The following AXIN1 variants were observed in gnomAD, a reference collection of about 807,000 sequenced individuals.
The protein encoded by AXIN1 is axin 1.
Under a neutral mutation model 76.4 loss-of-function variants are expected in AXIN1, and 30 were observed. That is an observed-to-expected ratio of 0.39 (90% CI 0.29 to 0.53). AXIN1 has a LOEUF of 0.53. AXIN1 is among the 20% of genes least tolerant of loss of function. The probability of loss-of-function intolerance (pLI) is 0.66; values close to 1 mark genes in which losing one functional copy is unlikely to be tolerated. For synonymous variants in AXIN1, 545 were observed against 501.4 expected, an observed-to-expected ratio of 1.09 and a Z score of -1.16; for missense variants, 1,140 against 1,198.8, an observed-to-expected ratio of 0.95 and a Z score of 0.72.
intron 1 of AXIN1, 92 bp downstream of exon 1, chr16:352,277 G>T: frequency 1.3e-6 from 1 of 799,052 alleles, no homozygotes; most frequent in South Asian, 5.6e-5. Flanking sequence ...TCGGTCCCAC[G>T]CGCGTCAGCC....
intron 10 of AXIN1, among the ~76,000 whole-genome samples, chr16:289,228 A>G (rs557355837): frequency 6.6e-6 from 1 of 151,940 alleles, no homozygotes; most frequent in East Asian, 1.9e-4. Context: ...ACACCTGGCT[A>G]ATTTCTTTAG....
intron 2 of AXIN1, among the ~76,000 whole-genome samples, chr16:339,241 C>T (rs2053866143): frequency 6.8e-6 from 1 of 147,012 alleles, no homozygotes; most frequent in Non-Finnish European, 1.5e-5. Flanking sequence ...TGGTGGCTCA[C>T]ACCTGTAATC....
chr16:313,405 C>T (rs972175663), intron 3 of AXIN1, among the ~76,000 whole-genome samples: 3 of 152,256 alleles, frequency 2.0e-5, no homozygotes, highest in Non-Finnish European at 4.4e-5. Context: ...TCCCTCTCTC[C>T]TCCTCCAGCC....
rs916803709 is a variant in AXIN1, at chr16:294,977, T to C, written c.1956-1259A>G. Among the ~76,000 whole-genome samples, 4 of 138,160 alleles carry C rather than the reference T, an allele frequency of 2.9e-5. No homozygotes were observed. The East Asian group carries it at 8.9e-4, about 31-fold the overall frequency. 90.6% of individuals were successfully genotyped at this position (138,160 alleles called of 152,430 possible). A position where few individuals can be genotyped will look rare whatever the true frequency, so the allele number is the denominator to read the frequency against. On this transcript the variant is annotated intron_variant, in intron 7 of 10. Transcript: ENST00000262320. ...TGCTCTTGAGGCTGAGGCAGGAGAA[T>C]GGCATGAACCCGGGAGGCGAGGCTT... is the stretch of plus-strand genomic sequence containing the variant.
At chr16:320,652 T>C (rs1460141259) in intron 2 of AXIN1, among the ~76,000 whole-genome samples, 1 of 149,376 alleles carries the variant, frequency 6.7e-6, no homozygotes, top group African/African-American at 2.5e-5. Flanking sequence ...TAAAAACAAA[T>C]ATATATGTAT....
intron 2 of AXIN1, among the ~76,000 whole-genome samples, chr16:343,770 T>C (rs1292460012): frequency 6.6e-6 from 1 of 150,876 alleles, no homozygotes; most frequent in African/African-American, 2.4e-5. Flanking sequence ...TCCCAGCACT[T>C]TGGGAGGCTG....
chr16:307,560 A>G (rs1444728330), intron 4 of AXIN1, among the ~76,000 whole-genome samples: 3 of 152,248 alleles, frequency 2.0e-5, no homozygotes, highest in Non-Finnish European at 4.4e-5. Context: ...TTTTCCATGG[A>G]CAGTGGGGGC....
chr16:307,970 G>A (rs546709632), intron 4 of AXIN1, among the ~76,000 whole-genome samples: 9 of 152,186 alleles, frequency 5.9e-5, no homozygotes, highest in South Asian at 2.1e-4. Context: ...ACCTCCCACC[G>A]AAGGTTCCAA....
chr16:346,800 C>A lies in AXIN1; in HGVS notation c.226G>T (p.Ala76Ser), dbSNP rs1427023030. ...TTCAAGTATGGTGGGGTGGGGGAGG[C>A]ACTGCCCTCAGGCTCATACCCCAGG... ...LDLGYEPEGSASPTPPYLKWA... is the reference protein window; with the variant it reads ...LDLGYEPEGSSSPTPPYLKWA... The change falls in exon 2 of 11, where the codon GCC (alanine) becomes TCC (serine). Residue 76 changes from alanine to serine, a missense_variant. Ala to Ser is a moderately conservative substitution (Grantham distance 99, BLOSUM62 1). Around this residue, in one of 3 missense-constraint regions of AXIN1, gnomAD observed 708 missense variants for 776.9 expected, o/e 0.91. Transcript: ENST00000262320. 11 of 1,612,600 alleles carry A rather than the reference C, an allele frequency of 6.8e-6. No individual in the cohort carries two copies. The highest frequency in any genetic ancestry group is 9.3e-6 in the Non-Finnish European group (11 of 1,178,828).
intron 3 of AXIN1, 63 bp from the exon 4 acceptor site, chr16:310,132 A>G (rs900447510): frequency 1.3e-6 from 2 of 1,493,232 alleles, no homozygotes; most frequent in Non-Finnish European, 9.1e-7. Flanking sequence ...CACCGTGCCA[A>G]TAGAGCTCCT....
chr16:320,741 A>G (rs190184599), intron 2 of AXIN1, among the ~76,000 whole-genome samples: 1 of 92,080 alleles, frequency 1.1e-5, no homozygotes, highest in South Asian at 3.1e-4. Context: ...ATATATATAT[A>G]TATTTTTTTT....
At chr16:310,987 T>G (rs540537216) in intron 3 of AXIN1, among the ~76,000 whole-genome samples, 39 of 152,374 alleles carry the variant, frequency 2.6e-4, no homozygotes, top group Middle Eastern at 6.8e-3. Context: ...CAGGGCAGTG[T>G]GGTCTCTGAG....
chr16:336,816 CAAAAAAA>C (rs57147459), intron 2 of AXIN1, among the ~76,000 whole-genome samples: 4 of 77,078 alleles, frequency 5.2e-5, no homozygotes, highest in Non-Finnish European at 9.9e-5. Flanking sequence ...GACTCCGCCT[CAAAAAAA>C]AAAAAAAAAA....
chr16:290,956 G>A lies in AXIN1; in HGVS notation c.2294+234C>T, dbSNP rs554295825. 2.9e-4 allele frequency: 170 copies of A among 585,260 alleles called. 2 individuals are homozygous for A. Among genetic ancestry groups the A allele is most frequent in the South Asian group, 2.6e-3 (137 of 51,748 alleles). 36.3% of individuals were successfully genotyped at this position (585,260 alleles called of 1,614,324 possible). A position where few individuals can be genotyped will look rare whatever the true frequency, so the allele number is the denominator to read the frequency against. On this transcript the variant is annotated intron_variant, in intron 9 of 10. Coordinates refer to ENST00000262320, the MANE Select transcript of AXIN1 (RefSeq NM_003502.4). Reference sequence around the variant, plus strand: ...GCTGGCTGTGCCCAGGCCTCCAGCCGGGCCTTTTGGTCACTTGTCATCATG... The same window carrying A: ...GCTGGCTGTGCCCAGGCCTCCAGCCAGGCCTTTTGGTCACTTGTCATCATG...
At chr16:297,314 T>C in intron 6 of AXIN1, 88 bp from the exon 7 acceptor site, 2 of 1,559,770 alleles carry the variant, frequency 1.3e-6, no homozygotes, top group Middle Eastern at 1.7e-4. Context: ...TCCTGGCATC[T>C]GTAAGGCTCC....
At chr16:346,050 G>A (rs959274297) in intron 2 of AXIN1, 98 bp downstream of exon 2, 8 of 1,204,662 alleles carry the variant, frequency 6.6e-6, no homozygotes, top group African/African-American at 4.5e-5. Context: ...CAGGACATCC[G>A]GTGTGGGTTA....
chr16:296,046 A>G (rs450669), intron 7 of AXIN1, among the ~76,000 whole-genome samples: 57,931 of 152,112 alleles, frequency 0.38, 11,611 homozygotes, highest in African/African-American at 0.48. Flanking sequence ...TGGGAGGATC[A>G]CTTGAGCCCA....
At chr16:339,508 C>T (rs1035473715) in intron 2 of AXIN1, among the ~76,000 whole-genome samples, 3 of 109,302 alleles carry the variant, frequency 2.7e-5, no homozygotes, top group African/African-American at 8.6e-5. Flanking sequence ...GAGACTCCAT[C>T]TCAAAAAAAA....
chr16:326,736 CAA>C (rs59159771), intron 2 of AXIN1, among the ~76,000 whole-genome samples: 41 of 121,126 alleles, frequency 3.4e-4, no homozygotes, highest in Non-Finnish European at 4.2e-4. Flanking sequence ...AGAGTGGGAT[CAA>C]AAAAAAAAAA....
Sources: allele counts gnomAD v4.1 joint callset (sites outside exome capture counted in the v4.1 genomes callset), GRCh38; gene constraint gnomAD v4.1.1; regional missense constraint gnomAD v4.1.1; transcripts MANE v1.5; gene names NCBI Gene and HGNC (gene_info 2026-07-23, HGNC 2026-07-21).